SNTG1: variants seen among roughly 807,000 people sequenced by gnomAD.
SNTG1 encodes the protein syntrophin gamma 1, also known as gamma-1-syntrophin.
SNTG1 carries 39 observed loss-of-function variants against 74.7 expected under a neutral mutation model. That is an observed-to-expected ratio of 0.52 (90% CI 0.40 to 0.68). SNTG1 has a LOEUF of 0.68. Ranked by LOEUF, SNTG1 falls within the 30% of genes least tolerant of loss-of-function variation. SNTG1 has a pLI of 0.00. For missense variants in SNTG1, 685 were observed against 609.5 expected (o/e 1.12, Z -1.30); for synonymous variants, 254 against 217.1 (o/e 1.17, Z -1.49).
chr8:50,178,718 T>C (rs1170307816), intron 2 of SNTG1, among the ~76,000 whole-genome samples: 2 of 152,150 alleles, frequency 1.3e-5, no homozygotes, highest in Admixed American at 1.3e-4. Context: ...ATTATTTTTG[T>C]TCTTTATCAT....
chr8:50,690,739 C>G (rs2095374368), intron 15 of SNTG1, among the ~76,000 whole-genome samples: 2 of 152,078 alleles, frequency 1.3e-5, no homozygotes, highest in South Asian at 2.1e-4. Flanking sequence ...TTTGGTGTGG[C>G]AAGTTCTGCA....
chr8:50,550,949 A>C (rs555509000), intron 11 of SNTG1, among the ~76,000 whole-genome samples: 6 of 152,134 alleles, frequency 3.9e-5, no homozygotes, highest in Non-Finnish European at 8.8e-5. Flanking sequence ...ATTTTCTTTT[A>C]ACACTGAAAT....
intron 2 of SNTG1, among the ~76,000 whole-genome samples, chr8:50,241,979 T>TA (rs1192561001): frequency 6.6e-6 from 1 of 151,850 alleles, no homozygotes; most frequent in South Asian, 2.1e-4. Flanking sequence ...TTTAGGCTGA[T>TA]ACTTGCTTCA....
chr8:49,994,337 C>A (rs187250562), intron 1 of SNTG1, among the ~76,000 whole-genome samples: 4 of 150,264 alleles, frequency 2.7e-5, no homozygotes, highest in Admixed American at 6.6e-5. Context: ...CTCACTGCAA[C>A]CTCTGCCTCT....
intron 8 of SNTG1, among the ~76,000 whole-genome samples, chr8:50,469,394 C>T (rs13276494): frequency 0.63 from 95,641 of 151,910 alleles, 32,830 homozygotes; most frequent in Non-Finnish European, 0.77. Context: ...ACCCCCACCA[C>T]GGTCAGGGTT....
At chr8:49,968,016 A>T (rs1234592058) in intron 1 of SNTG1, among the ~76,000 whole-genome samples, 2 of 152,142 alleles carry the variant, frequency 1.3e-5, no homozygotes, top group Non-Finnish European at 2.9e-5. Flanking sequence ...ACTTCAGAGA[A>T]TCACCCTATT....
At chr8:50,525,959 T>A (rs2094216370) in intron 9 of SNTG1, among the ~76,000 whole-genome samples, 1 of 152,110 alleles carries the variant, frequency 6.6e-6, no homozygotes. Context: ...TCTCTTAGAC[T>A]TTTTCTAACT....
At chr8:50,383,008 T>G (rs1458259839) in intron 2 of SNTG1, among the ~76,000 whole-genome samples, 1 of 152,154 alleles carries the variant, frequency 6.6e-6, no homozygotes, top group Non-Finnish European at 1.5e-5. Context: ...TTGGGAATAA[T>G]CTCCTGTACT....
intron 13 of SNTG1, among the ~76,000 whole-genome samples, chr8:50,614,935 T>C (rs2094875874): frequency 6.6e-6 from 1 of 151,176 alleles, no homozygotes; most frequent in Non-Finnish European, 1.5e-5. Context: ...TTTCAAGAAG[T>C]AGTTTTTTCT....
At chr8:50,747,181 A>T (rs539734778) in intron 17 of SNTG1, among the ~76,000 whole-genome samples, 1 of 152,024 alleles carries the variant, frequency 6.6e-6, no homozygotes, top group Admixed American at 6.6e-5. Context: ...AATCTGGAAA[A>T]GTAGTATAAT....
chr8:50,138,273 G>A (rs2081541144), intron 1 of SNTG1, among the ~76,000 whole-genome samples: 1 of 151,900 alleles, frequency 6.6e-6, no homozygotes, highest in Non-Finnish European at 1.5e-5. Flanking sequence ...AAAAAAAACA[G>A]CAATTGAAAT....
chr8:50,624,590 A>G (rs992320774), intron 13 of SNTG1, among the ~76,000 whole-genome samples: 2 of 152,102 alleles, frequency 1.3e-5, no homozygotes, highest in East Asian at 3.9e-4. Context: ...AATGGTTTTG[A>G]TTTAAAGTAG....
At chr8:50,250,863 G>A (rs541697170) in intron 2 of SNTG1, among the ~76,000 whole-genome samples, 19 of 151,992 alleles carry the variant, frequency 1.3e-4, no homozygotes, top group African/African-American at 4.3e-4. Flanking sequence ...GGAAACAAAA[G>A]GATAATAATT....
chr8:50,142,943 G>A (rs1440745150), intron 1 of SNTG1, among the ~76,000 whole-genome samples: 4 of 151,800 alleles, frequency 2.6e-5, no homozygotes, highest in South Asian at 2.1e-4. Context: ...GTCTGGTGGC[G>A]GGCACCTGTA....
intron 13 of SNTG1, among the ~76,000 whole-genome samples, chr8:50,631,364 G>A (rs2094996055): frequency 6.6e-6 from 1 of 152,054 alleles, no homozygotes; most frequent in African/African-American, 2.4e-5. Context: ...TTCTTCATAG[G>A]CACCAATTGT....
At chr8:50,260,668 T>C (rs2087141341) in intron 2 of SNTG1, among the ~76,000 whole-genome samples, 1 of 150,132 alleles carries the variant, frequency 6.7e-6, no homozygotes, top group Admixed American at 6.7e-5. Flanking sequence ...AATATGACTA[T>C]CGTGTTAAGA....
At chr8:50,438,390 A>G (rs193210685) in intron 4 of SNTG1, among the ~76,000 whole-genome samples, 153 bp from the exon 5 acceptor site, 2 of 152,318 alleles carry the variant, frequency 1.3e-5, no homozygotes, top group Admixed American at 6.5e-5. Flanking sequence ...TATTTATTAC[A>G]AGATGTGGAG....
At chr8:50,302,055 C>T (rs2089675961) in intron 2 of SNTG1, among the ~76,000 whole-genome samples, 1 of 152,078 alleles carries the variant, frequency 6.6e-6, no homozygotes, top group Admixed American at 6.6e-5. Flanking sequence ...CAGAGTTTCA[C>T]CATGTTGGTC....
At chr8:50,435,216 G>C (rs2093288374) in intron 4 of SNTG1, among the ~76,000 whole-genome samples, 1 of 151,914 alleles carries the variant, frequency 6.6e-6, no homozygotes, top group African/African-American at 2.4e-5. Context: ...TCAATCCTTT[G>C]CATTTTTGTA....
Sources: gnomAD v4.1 joint callset for allele counts (sites outside exome capture counted in the v4.1 genomes callset) on GRCh38, gnomAD v4.1.1 for gene constraint, MANE v1.5 for transcripts, NCBI Gene and HGNC (gene_info 2026-07-23, HGNC 2026-07-21) for gene names.